The following ARHGAP12 variants were observed in gnomAD, a reference collection of about 807,000 sequenced individuals.
The protein encoded by ARHGAP12 is rho GTPase-activating protein 12.
In ARHGAP12, 64 loss-of-function variants were observed where a neutral mutation model predicts 108.6. That is an observed-to-expected ratio of 0.59 (90% CI 0.48 to 0.73). ARHGAP12 has a LOEUF of 0.73. ARHGAP12 is among the 30% of genes least tolerant of loss of function. The pLI, the probability that ARHGAP12 is intolerant of heterozygous loss-of-function variation, is 0.00. For synonymous variants in ARHGAP12, 312 were observed against 337.2 expected (o/e 0.93, Z 0.82); for missense variants, 940 against 1,005.9 (o/e 0.93, Z 0.89).
At chr10:31,863,803 A>G (rs1837223226) in intron 3 of ARHGAP12, among the ~76,000 whole-genome samples, 1 of 152,146 alleles carries the variant, frequency 6.6e-6, no homozygotes, top group African/African-American at 2.4e-5. Flanking sequence ...ACACCAAGAA[A>G]GCATTTGATA....
intron 15 of ARHGAP12, among the ~76,000 whole-genome samples, chr10:31,812,460 C>A (rs888692915): frequency 6.6e-6 from 1 of 152,130 alleles, no homozygotes; most frequent in African/African-American, 2.4e-5. Context: ...CCATCACATC[C>A]ATGTAGTTCC....
At chr10:31,813,831 A>G (rs1034711219) in intron 14 of ARHGAP12, among the ~76,000 whole-genome samples, 6 of 152,226 alleles carry the variant, frequency 3.9e-5, no homozygotes, top group Non-Finnish European at 7.4e-5. Context: ...ATGCACAGAC[A>G]CATCCTAGTC....
At chr10:31,890,459 C>T (rs71491492) in intron 3 of ARHGAP12, among the ~76,000 whole-genome samples, 4,271 of 152,202 alleles carry the variant, frequency 0.028, 96 homozygotes, top group Middle Eastern at 0.051. Context: ...ATCATAAGTA[C>T]TAAAAGAAGA....
chr10:31,928,147 G>A (rs1438511186), intron 1 of ARHGAP12, among the ~76,000 whole-genome samples: 5 of 151,948 alleles, frequency 3.3e-5, no homozygotes, highest in Non-Finnish European at 7.4e-5. Flanking sequence ...GGCCCAGGGC[G>A]CGGGAGGGGC....
At position 31,806,677 on chromosome 10, in the gene ARHGAP12, T is replaced by A. The variant is rs1834834179; in HGVS notation, c.*981A>T. The A allele has an allele frequency of 6.6e-6, 1 of 152,648 alleles. No homozygotes were observed. The allele number at this position is 152,648 out of a possible 1,614,324, so 9.5% of individuals were successfully genotyped here. Reference sequence around the variant, plus strand: ...CCAGTACCATTCTCATTACAGTGATTTGCCTGTAAATGTAGTTAATATCTA... The same window carrying A: ...CCAGTACCATTCTCATTACAGTGATATGCCTGTAAATGTAGTTAATATCTA... On this transcript the variant is annotated 3_prime_UTR_variant, in exon 20 of 20. Transcript: ENST00000344936.
chr10:31,926,001 A>G (rs911522188), intron 1 of ARHGAP12, among the ~76,000 whole-genome samples: 1 of 151,644 alleles, frequency 6.6e-6, no homozygotes, highest in African/African-American at 2.4e-5. Flanking sequence ...TGTGAATACT[A>G]GAAACTTTAA....
At chr10:31,880,950 C>G (rs1837926852) in intron 3 of ARHGAP12, among the ~76,000 whole-genome samples, 1 of 151,258 alleles carries the variant, frequency 6.6e-6, no homozygotes, top group Non-Finnish European at 1.5e-5. Context: ...GTGGTCCCAG[C>G]TACTCAGGAG....
intron 3 of ARHGAP12, among the ~76,000 whole-genome samples, chr10:31,901,156 C>G (rs1280720998): frequency 1.4e-5 from 2 of 148,106 alleles, no homozygotes; most frequent in South Asian, 4.2e-4. Flanking sequence ...GCAGAGACTA[C>G]AGTGAGCCAA....
intron 15 of ARHGAP12, among the ~76,000 whole-genome samples, chr10:31,811,355 A>AT (rs1286891207): frequency 1.3e-5 from 2 of 152,224 alleles, no homozygotes; most frequent in Admixed American, 1.3e-4. Context: ...CACAAAATAC[A>AT]TTTCAAATAC....
chr10:31,901,303 G>A (rs960544113), intron 3 of ARHGAP12, among the ~76,000 whole-genome samples: 5 of 151,668 alleles, frequency 3.3e-5, no homozygotes, highest in Admixed American at 6.6e-5. Flanking sequence ...AGACAGAGGC[G>A]GGAGGATCAC....
intron 3 of ARHGAP12, among the ~76,000 whole-genome samples, chr10:31,873,052 A>T (rs1211288856): frequency 6.6e-6 from 1 of 152,206 alleles, no homozygotes; most frequent in East Asian, 1.9e-4. Flanking sequence ...CATCTAGAGC[A>T]TCAGTATCTA....
chr10:31,887,581 CT>C (rs1222515959), intron 3 of ARHGAP12, among the ~76,000 whole-genome samples: 6 of 151,676 alleles, frequency 4.0e-5, no homozygotes, highest in African/African-American at 1.5e-4. Flanking sequence ...GCATTAAGGA[CT>C]TTACAGTCTG....
At chr10:31,857,129 G>A (rs557047853) in intron 4 of ARHGAP12, among the ~76,000 whole-genome samples, 2 of 152,124 alleles carry the variant, frequency 1.3e-5, no homozygotes, top group African/African-American at 2.4e-5. Flanking sequence ...TCATTCATAC[G>A]CACACGTGTG....
At chr10:31,847,683 T>A (rs904349159) in intron 6 of ARHGAP12, among the ~76,000 whole-genome samples, 1 of 152,174 alleles carries the variant, frequency 6.6e-6, no homozygotes, top group East Asian at 1.9e-4. Context: ...ATTTAGTGCA[T>A]AGGGAGGATG....
intron 3 of ARHGAP12, among the ~76,000 whole-genome samples, chr10:31,884,031 CA>C (rs938090175): frequency 1.4e-5 from 2 of 142,752 alleles, no homozygotes; most frequent in African/African-American, 5.2e-5. Context: ...TTTTGTAAGC[CA>C]AAAAAAGTTC....
At chr10:31,838,643 A>T (rs911978433) in intron 9 of ARHGAP12, among the ~76,000 whole-genome samples, 2 of 152,082 alleles carry the variant, frequency 1.3e-5, no homozygotes, top group Admixed American at 6.5e-5. Context: ...CAGCCTGGTC[A>T]ACATAGCGAA....
intron 4 of ARHGAP12, among the ~76,000 whole-genome samples, chr10:31,860,319 A>G (rs142872026): frequency 1.3e-3 from 204 of 152,328 alleles, no homozygotes; most frequent in Non-Finnish European, 2.1e-3. Context: ...GCTGCTTTCT[A>G]TAACAGCCGG....
At chr10:31,861,340 A>G in intron 4 of ARHGAP12, 55 bp downstream of exon 4, 1 of 1,538,190 alleles carries the variant, frequency 6.5e-7, no homozygotes, top group South Asian at 1.3e-5. Flanking sequence ...TTGGTTTCTG[A>G]ATAATGAAAA....
rs189452367 is a variant in ARHGAP12 at position 31,877,653 on chromosome 10, C to T, written c.685-15995G>A. On this transcript the variant is annotated intron_variant, in intron 3 of 19. Coordinates refer to ENST00000344936, the MANE Select transcript of ARHGAP12 (RefSeq NM_018287.7). ...GTTTTCTACAAAACAAGGTTTGATC[C>T]CATTGTGTGCGTTACAACTACTTGA... 2.6e-5 allele frequency among the ~76,000 whole-genome samples: 4 copies of T among 152,270 alleles called. No homozygotes were observed. The East Asian group carries it at 7.7e-4, about 29-fold the overall frequency.
Sources: gnomAD v4.1 joint callset for allele counts (sites outside exome capture counted in the v4.1 genomes callset) on GRCh38, gnomAD v4.1.1 for gene constraint, MANE v1.5 for transcripts, NCBI Gene and HGNC (gene_info 2026-07-23, HGNC 2026-07-21) for gene names.